The following IGSF9B variants were observed in gnomAD, a reference collection of about 807,000 sequenced individuals.
IGSF9B encodes immunoglobulin superfamily member 9B, also known as protein turtle homolog B.
A neutral mutation model predicts 143.7 loss-of-function variants in IGSF9B; 48 were observed. The ratio of observed to expected loss-of-function variants is 0.33; its 90% CI spans 0.26 to 0.42. The LOEUF (loss-of-function observed/expected upper bound fraction) is 0.42, where lower values mean the gene tolerates loss of function less well. Among genes scored for constraint, IGSF9B ranks in the 20% least tolerant of loss-of-function variants. The pLI, the probability that IGSF9B is intolerant of heterozygous loss-of-function variation, is 1.00. For synonymous variants in IGSF9B, 903 were observed against 833.1 expected (o/e 1.08, Z -1.44); for missense variants, 1,706 against 1,980.0 (o/e 0.86, Z 2.63).
chr11:133,908,912 G>A lies in IGSF9B; in HGVS notation c.*157C>T, dbSNP rs533931875. The A allele has an allele frequency of 9.3e-6, 6 of 645,846 alleles. No individual in the cohort carries two copies. Among genetic ancestry groups the A allele is most frequent in the Non-Finnish European group, 2.7e-6 (1 of 376,800 alleles). 40.0% of individuals were successfully genotyped at this position (645,846 alleles called of 1,614,324 possible). A position where few individuals can be genotyped will look rare whatever the true frequency, so the allele number is the denominator to read the frequency against. ...CTCCGTCCTGAAGACAGGCGGCCAGGATCTGGAGGGAGACACCCGCTCTGG... is the reference window on the plus strand; with the variant it reads ...CTCCGTCCTGAAGACAGGCGGCCAGAATCTGGAGGGAGACACCCGCTCTGG... On this transcript the variant is annotated 3_prime_UTR_variant, in exon 20 of 20. Transcript: ENST00000533871.
In IGSF9B at chr11:133,907,876, C is replaced by T. The variant is rs377125179; in HGVS notation, c.*1193G>A. Among the ~76,000 whole-genome samples, 13 of 152,178 alleles carry T rather than the reference C, an allele frequency of 8.5e-5. No homozygotes were observed. Among genetic ancestry groups the T allele is most frequent in the East Asian group, 1.9e-4 (1 of 5,184 alleles). On this transcript the variant is annotated 3_prime_UTR_variant, in exon 20 of 20. Coordinates refer to ENST00000533871, the MANE Select transcript of IGSF9B (RefSeq NM_001277285.4). ...CAGGTCCACCGGAGGACGAAGGCCC[C>T]GGGGCAGAGAAGAGTCGGCAGGCAG...
intron 18 of IGSF9B, 54 bp downstream of exon 18, chr11:133,919,688 G>A: frequency 1.7e-6 from 2 of 1,160,590 alleles, no homozygotes; most frequent in Non-Finnish European, 2.3e-6. Flanking sequence ...GGGCGAGGCG[G>A]GTGGGGGAAG....
At chr11:133,949,563 G>A (rs958981493) in intron 1 of IGSF9B, among the ~76,000 whole-genome samples, 1 of 152,178 alleles carries the variant, frequency 6.6e-6, no homozygotes, top group Non-Finnish European at 1.5e-5. Context: ...GGTGCAAAGT[G>A]GAGAGCAAAG....
In IGSF9B at chr11:133,931,983, G is replaced by T. The variant is rs970536581; in HGVS notation, c.1110+88C>A. On this transcript the variant is annotated intron_variant, in intron 8 of 19. Transcript: ENST00000533871. This position sits in a 1 kb window ranked among gnomAD's most constrained non-coding sequence, Gnocchi z 7.7. ...CCAGGGCTTTTGGAAGGGGCCAGGA[G>T]TCCTGGCAGAAATCCAGAGCCCAGA... The T allele has an allele frequency of 3.9e-6, 6 of 1,523,800 alleles. No individual in the cohort carries two copies. The highest frequency in any genetic ancestry group is 2.0e-5 in the Admixed American group (1 of 49,724). 94.4% of individuals were successfully genotyped at this position (1,523,800 alleles called of 1,614,324 possible). A position where few individuals can be genotyped will look rare whatever the true frequency, so the allele number is the denominator to read the frequency against.
Position 133,920,967 on chromosome 11 carries a change from C to T in IGSF9B, c.2758G>A (p.Glu920Lys), listed in dbSNP as rs1351964129. Residue 920 changes from glutamate to lysine, a missense_variant, in exon 18 of 20, where the codon GAG (glutamate) becomes AAG (lysine). By Grantham distance (56) the Glu-to-Lys change is moderately conservative. Coordinates refer to ENST00000533871, the MANE Select transcript of IGSF9B (RefSeq NM_001277285.4). ...TATGCTGGTGGTGGCAGGTAGGACTCCTGGCTGGATGACAGAGGGGTGAGC... is the reference window on the plus strand; with the variant it reads ...TATGCTGGTGGTGGCAGGTAGGACTTCTGGCTGGATGACAGAGGGGTGAGC... ...SQLTPLSSSQ[E>K]SYLPPPAYSP... 3 of 1,610,676 alleles carry T rather than the reference C, an allele frequency of 1.9e-6. No individual in the cohort carries two copies. The highest frequency in any genetic ancestry group is 1.7e-4 in the Middle Eastern group (1 of 6,054).
chr11:133,904,782 T>A lies in IGSF9B; in HGVS notation c.*4287A>T, dbSNP rs1477742955. Among the ~76,000 whole-genome samples the A allele has an allele frequency of 6.6e-6, 1 of 151,500 alleles. No individual in the cohort carries two copies. Among genetic ancestry groups the A allele is most frequent in the Non-Finnish European group, 1.5e-5 (1 of 67,890 alleles). On this transcript the variant is annotated 3_prime_UTR_variant, in exon 20 of 20. Coordinates refer to ENST00000533871, the MANE Select transcript of IGSF9B (RefSeq NM_001277285.4). Reference sequence around the variant, plus strand: ...TGCCCCTTCCAGCCTCACCAACACCTGGCAAAGCACACAGGCCTCCCCTCC... The same window carrying A: ...TGCCCCTTCCAGCCTCACCAACACCAGGCAAAGCACACAGGCCTCCCCTCC...
At chr11:133,936,276 C>T in intron 5 of IGSF9B, 82 bp from the exon 6 acceptor site, 3 of 1,347,514 alleles carry the variant, frequency 2.2e-6, no homozygotes, top group South Asian at 1.3e-5. Flanking sequence ...CCCTCAGTGC[C>T]TCAGGAAGCG....
intron 18 of IGSF9B, among the ~76,000 whole-genome samples, chr11:133,918,531 C>T (rs1045993814): frequency 1.4e-4 from 22 of 152,146 alleles, no homozygotes; most frequent in African/African-American, 4.8e-4. Flanking sequence ...CGCGCACAGG[C>T]GGCGGCTGCG....
Position 133,948,154 on chromosome 11 carries a change from G to A in IGSF9B, c.65-1896C>T, listed in dbSNP as rs1176225692. ...TCTGCCTGCTTCTCTGTATGCAAGGGCTCCGTCTCTGCATGTATGTACTTC... is the reference window on the plus strand; with the variant it reads ...TCTGCCTGCTTCTCTGTATGCAAGGACTCCGTCTCTGCATGTATGTACTTC... On this transcript the variant is annotated intron_variant, in intron 1 of 19. Transcript: ENST00000533871. This position sits in a 1 kb window ranked among gnomAD's most constrained non-coding sequence, Gnocchi z 4.7. 6.6e-6 allele frequency among the ~76,000 whole-genome samples: 1 copy of A among 151,364 alleles called. No individual in the cohort carries two copies. Among genetic ancestry groups the A allele is most frequent in the African/African-American group, 2.4e-5 (1 of 41,096 alleles).
chr11:133,921,136 G>C lies in IGSF9B; in HGVS notation c.2589C>G (p.Ala863=), dbSNP rs375548937. The C allele has an allele frequency of 4.3e-5, 69 of 1,613,450 alleles. No homozygotes were observed. The highest frequency in any genetic ancestry group is 2.2e-5 in the East Asian group (1 of 44,894). The change falls in exon 18 of 20, where the codon GCC becomes GCG. Residue 863 remains alanine, a synonymous_variant. Transcript: ENST00000533871. ...GPDGRFVMDP[A]EMEPSLKSRR... is the part of the protein sequence containing the mutation. ...TGCTCTTCAGCGAGGGCTCCATCTCGGCAGGGTCCATCACGAAGCGGCCGT... is the reference window on the plus strand; with the variant it reads ...TGCTCTTCAGCGAGGGCTCCATCTCCGCAGGGTCCATCACGAAGCGGCCGT...
At chr11:133,910,218 T>C (rs1034378344) in intron 19 of IGSF9B, among the ~76,000 whole-genome samples, 1 of 152,216 alleles carries the variant, frequency 6.6e-6, no homozygotes, top group African/African-American at 2.4e-5. Flanking sequence ...CACACACGCC[T>C]GCACGTGTGT....
At chr11:133,949,243 C>T in intron 1 of IGSF9B, among the ~76,000 whole-genome samples, 1 of 152,152 alleles carries the variant, frequency 6.6e-6, no homozygotes, top group East Asian at 1.9e-4. Context: ...CATGTCCTGG[C>T]CTCCACCCTC....
intron 19 of IGSF9B, among the ~76,000 whole-genome samples, chr11:133,911,399 G>A (rs1366792087): frequency 6.6e-6 from 1 of 152,140 alleles, no homozygotes; most frequent in Non-Finnish European, 1.5e-5. Context: ...GTCCACATGG[G>A]GTCCTGTCAT....
intron 3 of IGSF9B, among the ~76,000 whole-genome samples, chr11:133,940,996 A>C (rs929791849): frequency 6.6e-6 from 1 of 152,206 alleles, no homozygotes; most frequent in African/African-American, 2.4e-5. Flanking sequence ...TACTGCCTCT[A>C]TTACCTCTGG....
rs549784157 is a variant in IGSF9B, at chr11:133,904,856, A to C, written c.*4213T>G. ...CTCCTGAAACACCAGTGCCCCATCC[A>C]TTACCCTAGTCAATCTAGAGCTGGC... On this transcript the variant is annotated 3_prime_UTR_variant, in exon 20 of 20. Transcript: ENST00000533871. 4.6e-5 allele frequency among the ~76,000 whole-genome samples: 7 copies of C among 150,576 alleles called. No homozygotes were observed. Among genetic ancestry groups the C allele is most frequent in the African/African-American group, 1.7e-4 (7 of 40,840 alleles).
At position 133,919,885 on chromosome 11, in the gene IGSF9B, G is replaced by C; in HGVS notation, c.3840C>G (p.Thr1280=). Residue 1280 remains threonine, a synonymous_variant, in exon 18 of 20, where the codon ACC becomes ACG. Transcript: ENST00000533871. ...RPAMGFTTLA[T]GYPSPPPGPA... is the part of the protein sequence containing the mutation. ...GGCCGGGTGGAGGGGAAGGGTAGCC[G>C]GTGGCCAGAGTGGTGAAGCCCATGG... is the stretch of plus-strand genomic sequence containing the variant. 6.3e-7 allele frequency: 1 copy of C among 1,583,728 alleles called. No homozygotes were observed. The highest frequency in any genetic ancestry group is 1.2e-5 in the South Asian group (1 of 86,850).
rs1324936731 is a variant in IGSF9B, at chr11:133,920,020, T to C, written c.3705A>G (p.Ser1235=). 1.3e-6 allele frequency: 2 copies of C among 1,583,586 alleles called. No homozygotes were observed. The highest frequency in any genetic ancestry group is 2.7e-5 in the African/African-American group (2 of 73,628). The change falls in exon 18 of 20, where the codon TCA becomes TCG. Residue 1235 remains serine, a synonymous_variant. Coordinates refer to ENST00000533871, the MANE Select transcript of IGSF9B (RefSeq NM_001277285.4). ...RPGLLQQAEM[S]EITLQPPAAV... is the part of the protein sequence containing the mutation. ...CAGCCGGCGGCTGCAGGGTGATCTC[T>C]GACATCTCTGCCTGCTGCAGGAGGC...
intron 12 of IGSF9B, among the ~76,000 whole-genome samples, chr11:133,927,489 G>A (rs999216307): frequency 1.3e-5 from 2 of 152,316 alleles, no homozygotes; most frequent in African/African-American, 4.8e-5. Context: ...GAGGGAAGGA[G>A]CCCAGGACCT....
chr11:133,931,970 G>A lies in IGSF9B; in HGVS notation c.1110+101C>T. Reference sequence around the variant, plus strand: ...GCTCTCTGTTTGCCCAGGGCTTTTGGAAGGGGCCAGGAGTCCTGGCAGAAA... The same window carrying A: ...GCTCTCTGTTTGCCCAGGGCTTTTGAAAGGGGCCAGGAGTCCTGGCAGAAA... On this transcript the variant is annotated intron_variant, in intron 8 of 19. Coordinates refer to ENST00000533871, the MANE Select transcript of IGSF9B (RefSeq NM_001277285.4). The surrounding 1 kb of genome is among the most constrained non-coding windows in gnomAD (Gnocchi z 7.7). 1 of 1,511,762 alleles carries A rather than the reference G, an allele frequency of 6.6e-7. No homozygotes were observed. Among genetic ancestry groups the A allele is most frequent in the Non-Finnish European group, 8.9e-7 (1 of 1,125,090 alleles). 93.6% of individuals were successfully genotyped at this position (1,511,762 alleles called of 1,614,324 possible).
Sources: allele counts gnomAD v4.1 joint callset (sites outside exome capture counted in the v4.1 genomes callset), GRCh38; gene constraint gnomAD v4.1.1; non-coding constraint Gnocchi (gnomAD v3.1); transcripts MANE v1.5; gene names NCBI Gene and HGNC (gene_info 2026-07-23, HGNC 2026-07-21).